PCDHGA4: variants seen among roughly 807,000 people sequenced by gnomAD.
The protein encoded by PCDHGA4 is protocadherin gamma subfamily A, 4, also known as protocadherin gamma-A4.
PCDHGA4 carries 38 observed loss-of-function variants against 54.6 expected under a neutral mutation model. That is an observed-to-expected ratio of 0.70 (90% CI 0.54 to 0.91). PCDHGA4 has a LOEUF of 0.91. Among genes scored for constraint, PCDHGA4 ranks in the 40% least tolerant of loss-of-function variants. PCDHGA4 has a pLI of 0.00. For synonymous variants in PCDHGA4, 511 were observed against 512.9 expected, an observed-to-expected ratio of 1.00 and a Z score of 0.05; for missense variants, 1,298 against 1,220.9, an observed-to-expected ratio of 1.06 and a Z score of -0.94.
At chr5:141,372,062 C>G (rs1768364404) in intron 1 of PCDHGA4, 2 of 1,613,470 alleles carry the variant, frequency 1.2e-6, no homozygotes, top group South Asian at 2.2e-5. Flanking sequence ...ACGACCGCAA[C>G]GACAATGCAC....
intron 1 of PCDHGA4, chr5:141,404,393 A>G: frequency 6.2e-7 from 1 of 1,613,962 alleles, no homozygotes; most frequent in Non-Finnish European, 8.5e-7. Flanking sequence ...TGACCCTGAT[A>G]GCAATGAGAA....
intron 1 of PCDHGA4, chr5:141,423,222 G>A (rs760308436): frequency 1.2e-6 from 2 of 1,613,688 alleles, no homozygotes; most frequent in Non-Finnish European, 1.7e-6. Context: ...CCGTGGCTGT[G>A]GCCGACAGCA....
chr5:141,434,261 G>A (rs1269166732), intron 1 of PCDHGA4, among the ~76,000 whole-genome samples: 2 of 152,194 alleles, frequency 1.3e-5, no homozygotes. Context: ...TTGTGGGGGA[G>A]GTGGAAATTA....
At position 141,357,524 on chromosome 5, in the gene PCDHGA4, A is replaced by G. The variant is rs1760641249; in HGVS notation, c.2417A>G (p.Tyr806Cys). 1 of 1,614,218 alleles carries G rather than the reference A, an allele frequency of 6.2e-7. No individual in the cohort carries two copies. Among genetic ancestry groups the G allele is most frequent in the Non-Finnish European group, 8.5e-7 (1 of 1,180,046 alleles). Residue 806 changes from tyrosine to cysteine, a missense_variant, in exon 1 of 4, where the codon TAT becomes TGT. Transcript: ENST00000571252. ...CACCTGATCTTCTCCCAACCCAGCT[A>G]TGCAGACACGCTCATCAGCCGGGAG... ...KSHLIFSQPS[Y>C]ADTLISRESC...
intron 1 of PCDHGA4, chr5:141,361,642 T>C: frequency 6.2e-7 from 1 of 1,613,838 alleles, no homozygotes; most frequent in Non-Finnish European, 8.5e-7. Flanking sequence ...GGAGATTTTA[T>C]CCTACGTGTC....
intron 2 of PCDHGA4, among the ~76,000 whole-genome samples, chr5:141,502,250 T>A (rs915754322): frequency 2.6e-5 from 4 of 152,242 alleles, no homozygotes; most frequent in East Asian, 3.8e-4. Context: ...TCCTTTTTTT[T>A]AATCCAGGAT....
chr5:141,372,289 T>C (rs1170089924), intron 1 of PCDHGA4: 1 of 1,613,228 alleles, frequency 6.2e-7, no homozygotes, highest in African/African-American at 1.3e-5. Flanking sequence ...GCGCGTACCT[T>C]GGGCGACAGG....
chr5:141,357,715 G>A lies in PCDHGA4; in HGVS notation c.2514+94G>A, dbSNP rs1760708169. On this transcript the variant is annotated intron_variant, in intron 1 of 3. Coordinates refer to ENST00000571252, the MANE Select transcript of PCDHGA4 (RefSeq NM_018917.4). ...TTTTATATGTAATATATCAAATAAA[G>A]TTGCCTCTTTTAATATTTTATTGCT... The A allele has an allele frequency of 2.1e-6, 3 of 1,449,624 alleles. No homozygotes were observed. In the South Asian group the frequency reaches 4.2e-5, roughly 20 times the overall value. 89.8% of individuals were successfully genotyped at this position (1,449,624 alleles called of 1,614,324 possible).
chr5:141,474,180 A>G (rs763042503), intron 1 of PCDHGA4, among the ~76,000 whole-genome samples: 4 of 152,240 alleles, frequency 2.6e-5, no homozygotes, highest in Non-Finnish European at 4.4e-5. Context: ...TGAGAAAACT[A>G]CTTACATTTT....
Position 141,489,084 on chromosome 5 carries a change from C to CCG in PCDHGA4, c.2515-5723_2515-5722insCG. On this transcript the variant is annotated intron_variant, in intron 1 of 3. Coordinates refer to ENST00000571252, the MANE Select transcript of PCDHGA4 (RefSeq NM_018917.4). The surrounding 1 kb of genome is among the most constrained non-coding windows in gnomAD (Gnocchi z 4.5). ...CTCCCCCCTGCCCACCCCCGCCACT[C>CCG]GGTGACTAAGAACTGCTGCAAGCAG... 9.1e-6 allele frequency: 3 copies of CCG among 329,130 alleles called. No individual in the cohort carries two copies. The highest frequency in any genetic ancestry group is 5.4e-6 in the Non-Finnish European group (1 of 186,464). The allele number at this position is 329,130 out of a possible 1,614,324, so 20.4% of individuals were successfully genotyped here. A position where few individuals can be genotyped will look rare whatever the true frequency, so the allele number is the denominator to read the frequency against.
rs1196201183 is a variant in PCDHGA4, at chr5:141,490,944, G to A, written c.2515-3863G>A. ...ATGCCCCAGCTGTGCTGCACCCACG[G>A]CCAGACTGGGAACACTCAGCCCCCC... On this transcript the variant is annotated intron_variant, in intron 1 of 3. Transcript: ENST00000571252. This position sits in a 1 kb window ranked among gnomAD's most constrained non-coding sequence, Gnocchi z 5.4. 6.2e-7 allele frequency: 1 copy of A among 1,613,488 alleles called. No individual in the cohort carries two copies. The highest frequency in any genetic ancestry group is 1.3e-5 in the African/African-American group (1 of 74,906).
chr5:141,505,348 G>C, intron 2 of PCDHGA4, 45 bp from the exon 3 acceptor site: 1 of 1,613,358 alleles, frequency 6.2e-7, no homozygotes, highest in Non-Finnish European at 8.5e-7. Flanking sequence ...GGCATGAGCT[G>C]TGCCGGCCTG....
intron 1 of PCDHGA4, chr5:141,415,403 A>C (rs757508926): frequency 4.3e-6 from 7 of 1,614,082 alleles, no homozygotes; most frequent in Non-Finnish European, 4.2e-6. Context: ...TCCGGCTCGC[A>C]CTTTGTGGGC....
Position 141,450,758 on chromosome 5 carries a change from A to C in PCDHGA4, c.2515-44049A>C, listed in dbSNP as rs1007910264. On this transcript the variant is annotated intron_variant, in intron 1 of 3. Transcript: ENST00000571252. ...CGCCTTGGCCTCCCAAAGTGCCGGGATTACAGGCATGAGCCACCGTGCCCG... is the reference window on the plus strand; with the variant it reads ...CGCCTTGGCCTCCCAAAGTGCCGGGCTTACAGGCATGAGCCACCGTGCCCG... Among the ~76,000 whole-genome samples the C allele has an allele frequency of 5.3e-5, 8 of 151,784 alleles. No individual in the cohort carries two copies. In the East Asian group the frequency reaches 1.4e-3, roughly 26 times the overall value.
At chr5:141,402,930 G>A (rs1260331134) in intron 1 of PCDHGA4, 1 of 1,584,094 alleles carries the variant, frequency 6.3e-7, no homozygotes, top group Non-Finnish European at 8.6e-7. Flanking sequence ...ATCCTTTTGA[G>A]AAAATTCCAA....
intron 1 of PCDHGA4, among the ~76,000 whole-genome samples, chr5:141,456,363 G>A (rs1233146015): frequency 6.6e-6 from 1 of 152,098 alleles, no homozygotes; most frequent in African/African-American, 2.4e-5. Flanking sequence ...GTCCATGTGT[G>A]GTTCAGTTTA....
intron 1 of PCDHGA4, chr5:141,394,883 A>G (rs370442493): frequency 1.2e-6 from 2 of 1,611,604 alleles, no homozygotes; most frequent in African/African-American, 2.7e-5. Context: ...CGAGCCTTAC[A>G]CTCTATCTCG....
chr5:141,430,832 G>A (rs1398773861), intron 1 of PCDHGA4: 1 of 1,555,686 alleles, frequency 6.4e-7, no homozygotes, highest in South Asian at 1.3e-5. Flanking sequence ...GACTCTGTGG[G>A]AGACCGGATG....
intron 1 of PCDHGA4, chr5:141,360,199 T>C (rs377198093): frequency 4.8e-5 from 77 of 1,612,536 alleles, no homozygotes; most frequent in Non-Finnish European, 6.4e-5. Context: ...GCCCTTCCTG[T>C]TGTCTTTGTT....
Sources: allele counts gnomAD v4.1 joint callset (sites outside exome capture counted in the v4.1 genomes callset), GRCh38; gene constraint gnomAD v4.1.1; non-coding constraint Gnocchi (gnomAD v3.1); transcripts MANE v1.5; gene names NCBI Gene and HGNC (gene_info 2026-07-23, HGNC 2026-07-21).